The following PDE4B variants were observed in gnomAD, a reference collection of about 807,000 sequenced individuals.
The protein encoded by PDE4B is 3',5'-cyclic-AMP phosphodiesterase 4B.
In PDE4B, 20 loss-of-function variants were observed where a neutral mutation model predicts 82.2. The observed-to-expected ratio is 0.24, with a 90% CI of 0.17 to 0.35. The LOEUF is 0.35. Among genes scored for constraint, PDE4B ranks in the 10% least tolerant of loss-of-function variants. The probability of loss-of-function intolerance (pLI) is 1.00; values close to 1 mark genes in which losing one functional copy is unlikely to be tolerated. For missense variants in PDE4B, 655 were observed against 907.2 expected (o/e 0.72, Z 3.57); for synonymous variants, 320 against 318.9 (o/e 1.00, Z -0.04).
chr1:66,158,741 A>G (rs1646550899), intron 3 of PDE4B, among the ~76,000 whole-genome samples: 1 of 152,222 alleles, frequency 6.6e-6, no homozygotes, highest in Admixed American at 6.5e-5. Flanking sequence ...TATATACACA[A>G]CGGAATACTA....
At chr1:66,039,363 A>G (rs1654238145) in intron 3 of PDE4B, among the ~76,000 whole-genome samples, 1 of 152,130 alleles carries the variant, frequency 6.6e-6, no homozygotes, top group Non-Finnish European at 1.5e-5. Context: ...AATCAATTGC[A>G]TGCCTAAAGC....
intron 1 of PDE4B, among the ~76,000 whole-genome samples, chr1:65,824,040 C>G (rs1271574092): frequency 1.3e-5 from 2 of 152,150 alleles, no homozygotes; most frequent in Non-Finnish European, 2.9e-5. Context: ...AGTTATAATC[C>G]TTCATTCTCA....
chr1:66,367,900 T>C (rs1663366298), intron 14 of PDE4B, 43 bp from the exon 15 acceptor site: 3 of 1,613,078 alleles, frequency 1.9e-6, no homozygotes, highest in Non-Finnish European at 2.5e-6. Flanking sequence ...TTCTCTCTGA[T>C]AGACTGAATT....
chr1:65,944,750 G>A (rs1041263335), intron 3 of PDE4B, among the ~76,000 whole-genome samples: 1 of 151,832 alleles, frequency 6.6e-6, no homozygotes, highest in African/African-American at 2.4e-5. Flanking sequence ...AATAAAGGCA[G>A]GAAGTGTAGC....
chr1:66,371,038 C>CAT lies in PDE4B; in HGVS notation c.1846-1265_1846-1264dup, dbSNP rs1158572099. On this transcript the variant is annotated intron_variant, in intron 16 of 16. Transcript: ENST00000341517. ...AATAAGAAAATATATATATATCATA[C>CAT]ATATATATATACACACATCATACAT... Among the ~76,000 whole-genome samples, 100 of 130,398 alleles carry CAT rather than the reference C, an allele frequency of 7.7e-4. 1 individual carries two copies. In the Middle Eastern group the frequency reaches 0.016, roughly 21 times the overall value. 85.5% of individuals were successfully genotyped at this position (130,398 alleles called of 152,430 possible). A position where few individuals can be genotyped will look rare whatever the true frequency, so the allele number is the denominator to read the frequency against.
At chr1:66,090,856 A>G (rs943873300) in intron 3 of PDE4B, among the ~76,000 whole-genome samples, 3 of 151,810 alleles carry the variant, frequency 2.0e-5, no homozygotes, top group Non-Finnish European at 2.9e-5. Flanking sequence ...TTTACGCTGT[A>G]TGACGGGAAC....
chr1:66,302,409 C>T (rs1265382345), intron 7 of PDE4B, among the ~76,000 whole-genome samples: 1 of 152,116 alleles, frequency 6.6e-6, no homozygotes, highest in East Asian at 1.9e-4. Context: ...GCTTTGATCA[C>T]CTGATTGATT....
At chr1:66,063,828 G>A (rs1350884999) in intron 3 of PDE4B, among the ~76,000 whole-genome samples, 1 of 151,848 alleles carries the variant, frequency 6.6e-6, no homozygotes, top group Non-Finnish European at 1.5e-5. Context: ...AATGATCAAG[G>A]CCAAAATCAG....
chr1:66,075,271 A>G (rs2100939607), intron 3 of PDE4B, among the ~76,000 whole-genome samples: 1 of 152,144 alleles, frequency 6.6e-6, no homozygotes, highest in Non-Finnish European at 1.5e-5. Flanking sequence ...TTTGGGGTTC[A>G]CCTGCCCTAC....
chr1:66,349,924 C>A (rs796152333), intron 8 of PDE4B, among the ~76,000 whole-genome samples: 1 of 152,068 alleles, frequency 6.6e-6, no homozygotes, highest in Admixed American at 6.6e-5. Context: ...AGATTAGAAG[C>A]TAGCCATTTT....
At chr1:66,133,225 C>T (rs1301079765) in intron 3 of PDE4B, among the ~76,000 whole-genome samples, 2 of 152,062 alleles carry the variant, frequency 1.3e-5, no homozygotes, top group Admixed American at 6.6e-5. Flanking sequence ...TTCACATTTT[C>T]CCACAATATA....
intron 3 of PDE4B, among the ~76,000 whole-genome samples, chr1:66,037,830 AT>A (rs1396547553): frequency 2.0e-5 from 3 of 152,164 alleles, no homozygotes; most frequent in African/African-American, 7.2e-5. Context: ...AGATATTTTT[AT>A]CATTTTATAA....
At position 65,815,058 on chromosome 1, in the gene PDE4B, TTTATTTA is replaced by T. The variant is rs954978140; in HGVS notation, c.-71+21816_-71+21822del. 8.8e-4 allele frequency among the ~76,000 whole-genome samples: 113 copies of T among 128,024 alleles called. No homozygotes were observed. In the South Asian group the frequency reaches 0.01, roughly 12 times the overall value. The allele number at this position is 128,024 out of a possible 152,430, so 84.0% of individuals were successfully genotyped here. A position where few individuals can be genotyped will look rare whatever the true frequency, so the allele number is the denominator to read the frequency against. On this transcript the variant is annotated intron_variant, in intron 1 of 16. Coordinates refer to ENST00000341517, the MANE Select transcript of PDE4B (RefSeq NM_002600.4). ...ATTTATTTATTTATTTATTTATTTA[TTTATTTA>T]TTATTATTATACTTTAAGTTTTACG...
chr1:66,309,728 A>G (rs1658536186), intron 7 of PDE4B, among the ~76,000 whole-genome samples: 1 of 152,184 alleles, frequency 6.6e-6, no homozygotes. Flanking sequence ...TCTAGAATGG[A>G]GATCATAGCA....
chr1:65,903,546 G>A (rs562281545), intron 1 of PDE4B, among the ~76,000 whole-genome samples: 11 of 152,038 alleles, frequency 7.2e-5, no homozygotes, highest in Middle Eastern at 3.4e-3. Context: ...GTGAGCCATG[G>A]TCGTGCCTGG....
intron 3 of PDE4B, among the ~76,000 whole-genome samples, chr1:66,187,925 T>G (rs985584061): frequency 4.6e-5 from 7 of 151,434 alleles, no homozygotes; most frequent in African/African-American, 1.7e-4. Flanking sequence ...AATTGTGATG[T>G]TGGGGTGTCA....
At chr1:66,270,917 C>T (rs1460466668) in intron 7 of PDE4B, among the ~76,000 whole-genome samples, 5 of 152,240 alleles carry the variant, frequency 3.3e-5, no homozygotes, top group Admixed American at 6.5e-5. Flanking sequence ...TCGCCTTCAG[C>T]GTTTAGACAG....
chr1:65,921,538 T>C (rs1178785895), intron 3 of PDE4B, among the ~76,000 whole-genome samples: 1 of 152,192 alleles, frequency 6.6e-6, no homozygotes, highest in Non-Finnish European at 1.5e-5. Flanking sequence ...AGACCAGCAA[T>C]GAGCAAATGT....
intron 3 of PDE4B, among the ~76,000 whole-genome samples, chr1:66,106,089 C>G (rs1303983851): frequency 6.6e-6 from 1 of 151,922 alleles, no homozygotes; most frequent in East Asian, 1.9e-4. Flanking sequence ...TCATAGATAG[C>G]TCTTATTATT....
Sources: allele counts gnomAD v4.1 joint callset (sites outside exome capture counted in the v4.1 genomes callset), GRCh38; gene constraint gnomAD v4.1.1; transcripts MANE v1.5; gene names NCBI Gene and HGNC (gene_info 2026-07-23, HGNC 2026-07-21).